NRG3: variants seen among roughly 807,000 people sequenced by gnomAD.
NRG3 encodes the protein neuregulin 3.
A neutral mutation model predicts 66.9 loss-of-function variants in NRG3; 31 were observed. The ratio of observed to expected loss-of-function variants is 0.46; its 90% CI spans 0.35 to 0.63. The LOEUF (loss-of-function observed/expected upper bound fraction) is 0.63, where lower values mean the gene tolerates loss of function less well. NRG3 is among the 20% of genes least tolerant of loss of function. The pLI is 0.00. For synonymous variants in NRG3, 393 were observed against 359.4 expected (o/e 1.09, Z -1.06); for missense variants, 910 against 878.9 (o/e 1.04, Z -0.45).
At chr10:82,006,233 C>G (rs903654167) in intron 1 of NRG3, among the ~76,000 whole-genome samples, 22 of 152,182 alleles carry the variant, frequency 1.4e-4, no homozygotes, top group African/African-American at 5.1e-4. Flanking sequence ...AGATCTTTGA[C>G]ATATTTATTG....
intron 2 of NRG3, among the ~76,000 whole-genome samples, chr10:82,627,532 G>T (rs1312500032): frequency 6.6e-6 from 1 of 152,026 alleles, no homozygotes; most frequent in African/African-American, 2.4e-5. Context: ...AAGCAAGATG[G>T]CTGGCAATTT....
chr10:81,979,182 C>T (rs1170079791), intron 1 of NRG3, among the ~76,000 whole-genome samples: 4 of 119,190 alleles, frequency 3.4e-5, no homozygotes, highest in Middle Eastern at 4.0e-3. Flanking sequence ...GGCGGGACTC[C>T]GTCTCAAAAA....
chr10:82,732,870 C>A (rs2820103), intron 2 of NRG3, among the ~76,000 whole-genome samples: 84,662 of 152,008 alleles, frequency 0.56, 24,100 homozygotes, highest in East Asian at 0.64. Flanking sequence ...GACACTGAGG[C>A]TGAGGAGAAT....
intron 4 of NRG3, among the ~76,000 whole-genome samples, chr10:82,923,675 A>G (rs1484381592): frequency 6.6e-6 from 1 of 152,186 alleles, no homozygotes; most frequent in Non-Finnish European, 1.5e-5. Context: ...TATAACCAGA[A>G]CATCAGGCAA....
intron 4 of NRG3, among the ~76,000 whole-genome samples, chr10:82,890,127 G>GTTTTT (rs35591529): frequency 1.7e-4 from 24 of 138,162 alleles, no homozygotes; most frequent in African/African-American, 6.3e-4. Context: ...GATCTGCTAA[G>GTTTTT]TTTTTTTTTT....
At chr10:82,453,373 A>G (rs1320023269) in intron 2 of NRG3, among the ~76,000 whole-genome samples, 1 of 152,180 alleles carries the variant, frequency 6.6e-6, no homozygotes, top group East Asian at 1.9e-4. Context: ...ATGTGCCAAC[A>G]GAGCTTATGA....
chr10:82,293,926 AT>A (rs5786543), intron 1 of NRG3, among the ~76,000 whole-genome samples: 8 of 151,102 alleles, frequency 5.3e-5, no homozygotes, highest in Admixed American at 1.3e-4. Context: ...TATTTTTGCA[AT>A]TTTTTTTTCT....
At chr10:82,132,546 T>TC (rs1564594057) in intron 1 of NRG3, among the ~76,000 whole-genome samples, 2 of 134,040 alleles carry the variant, frequency 1.5e-5, no homozygotes, top group African/African-American at 5.6e-5. Flanking sequence ...GATATATATA[T>TC]ATCTTTGTCT....
chr10:82,817,826 A>G (rs1323981390), intron 3 of NRG3, among the ~76,000 whole-genome samples: 2 of 152,234 alleles, frequency 1.3e-5, no homozygotes, highest in Non-Finnish European at 1.5e-5. Flanking sequence ...TGCTGAATGC[A>G]CAGAATAATG....
rs1848651422 is a variant in NRG3, at chr10:81,944,272, A to G, written c.823+68109A>G. On this transcript the variant is annotated intron_variant, in intron 1 of 8. Coordinates refer to ENST00000372141, the MANE Select transcript of NRG3 (RefSeq NM_001010848.4). Reference sequence around the variant, plus strand: ...TACAAAGAGCAGCAGTGCATTATCAACCTAAATGTTTACAGAAAGAGTATG... The same window carrying G: ...TACAAAGAGCAGCAGTGCATTATCAGCCTAAATGTTTACAGAAAGAGTATG... Among the ~76,000 whole-genome samples the G allele has an allele frequency of 2.6e-5, 4 of 152,220 alleles. No homozygotes were observed. In the South Asian group the frequency reaches 8.3e-4, roughly 32 times the overall value.
chr10:82,839,878 A>G (rs1318167042), intron 3 of NRG3, among the ~76,000 whole-genome samples: 2 of 152,132 alleles, frequency 1.3e-5, no homozygotes, highest in South Asian at 2.1e-4. Context: ...CTGCTGATTT[A>G]TATCTATCTA....
Position 82,769,431 on chromosome 10 carries a change from C to T in NRG3, c.1027+30781C>T, listed in dbSNP as rs144880126. Among the ~76,000 whole-genome samples, 129 of 152,048 alleles carry T rather than the reference C, an allele frequency of 8.5e-4. No individual in the cohort carries two copies. The East Asian group carries it at 0.015, about 18-fold the overall frequency. On this transcript the variant is annotated intron_variant, in intron 3 of 8. Transcript: ENST00000372141. ...TAATGGATTCTGGGCTGAATTATGA[C>T]TGTCGATTTTAAATAACTTTAATTA...
intron 2 of NRG3, among the ~76,000 whole-genome samples, chr10:82,540,233 T>TAA (rs113656422): frequency 2.1e-5 from 3 of 145,954 alleles, no homozygotes; most frequent in African/African-American, 7.5e-5. Context: ...ATGGGATTCT[T>TAA]AAAAAAAAAA....
chr10:82,555,101 G>A (rs1045557556), intron 2 of NRG3, among the ~76,000 whole-genome samples: 3 of 152,164 alleles, frequency 2.0e-5, no homozygotes, highest in African/African-American at 4.8e-5. Flanking sequence ...TCCATATTTA[G>A]AGGAGATATT....
intron 1 of NRG3, among the ~76,000 whole-genome samples, chr10:82,339,261 T>C (rs893688965): frequency 6.6e-6 from 1 of 152,204 alleles, no homozygotes; most frequent in African/African-American, 2.4e-5. Context: ...TCAGTAACTG[T>C]ATTAGTCTGT....
intron 2 of NRG3, among the ~76,000 whole-genome samples, chr10:82,576,351 T>C (rs959915333): frequency 2.6e-5 from 4 of 151,440 alleles, no homozygotes; most frequent in African/African-American, 9.7e-5. Flanking sequence ...TATTCCACTG[T>C]GCTTTCCTTC....
chr10:82,441,931 C>A (rs1338085998), intron 2 of NRG3, among the ~76,000 whole-genome samples: 2 of 152,142 alleles, frequency 1.3e-5, no homozygotes, highest in Non-Finnish European at 2.9e-5. Flanking sequence ...ATTTTACTTT[C>A]TTTCCAGAGC....
intron 3 of NRG3, among the ~76,000 whole-genome samples, chr10:82,856,694 A>T (rs1285897253): frequency 1.4e-5 from 2 of 139,928 alleles, no homozygotes; most frequent in East Asian, 4.7e-4. Context: ...CAGTGAGCCG[A>T]GATTGTGCCA....
chr10:82,219,587 A>G (rs1221862609), intron 1 of NRG3, among the ~76,000 whole-genome samples: 1 of 152,052 alleles, frequency 6.6e-6, no homozygotes, highest in East Asian at 1.9e-4. Flanking sequence ...TAGATGCTTT[A>G]TCTGGCCAAA....
Sources: gnomAD v4.1 joint callset for allele counts (sites outside exome capture counted in the v4.1 genomes callset) on GRCh38, gnomAD v4.1.1 for gene constraint, MANE v1.5 for transcripts, NCBI Gene and HGNC (gene_info 2026-07-23, HGNC 2026-07-21) for gene names.